Variants in SCAPER observed in about 807,000 individuals in gnomAD.
The protein encoded by SCAPER is S-phase cyclin A associated protein in the ER, also known as S phase cyclin A-associated protein in the endoplasmic reticulum.
Under a neutral mutation model 182.2 loss-of-function variants are expected in SCAPER, and 98 were observed. The observed-to-expected ratio is 0.54, with a 90% CI of 0.46 to 0.64. The LOEUF is 0.64. Among genes scored for constraint, SCAPER ranks in the 30% least tolerant of loss-of-function variants. The pLI is 0.00. For missense variants in SCAPER, 1,432 were observed against 1,690.0 expected (o/e 0.85, Z 2.68); for synonymous variants, 605 against 564.6 (o/e 1.07, Z -1.01).
chr15:76,534,047 C>A (rs2043913330), intron 23 of SCAPER, among the ~76,000 whole-genome samples: 1 of 152,120 alleles, frequency 6.6e-6, no homozygotes, highest in African/African-American at 2.4e-5. Context: ...TATAAAAATT[C>A]TATGCTATTC....
intron 23 of SCAPER, among the ~76,000 whole-genome samples, chr15:76,520,179 T>C (rs2042732681): frequency 6.6e-6 from 1 of 152,186 alleles, no homozygotes; most frequent in African/African-American, 2.4e-5. Context: ...ATTATTTGTT[T>C]GTCTAGAAGG....
chr15:76,637,287 T>C (rs538989707), intron 21 of SCAPER, among the ~76,000 whole-genome samples: 1 of 152,340 alleles, frequency 6.6e-6, no homozygotes, highest in South Asian at 2.1e-4. Flanking sequence ...TACTGGATCA[T>C]ATAGAAATCC....
intron 27 of SCAPER, among the ~76,000 whole-genome samples, chr15:76,393,670 G>C (rs1354303882): frequency 6.6e-6 from 1 of 151,960 alleles, no homozygotes; most frequent in Non-Finnish European, 1.5e-5. Flanking sequence ...TCCTTTTTTT[G>C]AAGCTGGATG....
chr15:76,877,521 T>G (rs913138222), intron 2 of SCAPER, among the ~76,000 whole-genome samples: 18 of 152,152 alleles, frequency 1.2e-4, no homozygotes, highest in African/African-American at 4.3e-4. Context: ...GTAGAAAAGC[T>G]TGACACTACA....
At chr15:76,420,435 G>A (rs1293423549) in intron 26 of SCAPER, among the ~76,000 whole-genome samples, 2 of 151,596 alleles carry the variant, frequency 1.3e-5, no homozygotes, top group Non-Finnish European at 2.9e-5. Flanking sequence ...TAGAATAAGT[G>A]AATTCACCAA....
At chr15:76,869,122 G>A (rs140706370) in intron 2 of SCAPER, among the ~76,000 whole-genome samples, 1 of 152,172 alleles carries the variant, frequency 6.6e-6, no homozygotes, top group African/African-American at 2.4e-5. Flanking sequence ...AATCAAAATG[G>A]ATTAAAAACT....
At chr15:76,600,410 T>C (rs1259142514) in intron 22 of SCAPER, among the ~76,000 whole-genome samples, 1 of 103,490 alleles carries the variant, frequency 9.7e-6, no homozygotes, top group African/African-American at 2.8e-5. Context: ...TGTGTGTGTG[T>C]GTGTGTGTGT....
At chr15:76,680,622 C>T (rs540266752) in intron 20 of SCAPER, among the ~76,000 whole-genome samples, 1 of 152,042 alleles carries the variant, frequency 6.6e-6, no homozygotes, top group Admixed American at 6.5e-5. Context: ...AAGGCCCTTC[C>T]TTGGTGGAGC....
At chr15:76,431,531 G>C (rs1240140964) in intron 26 of SCAPER, among the ~76,000 whole-genome samples, 1 of 151,954 alleles carries the variant, frequency 6.6e-6, no homozygotes, top group Non-Finnish European at 1.5e-5. Context: ...GATACAGCCA[G>C]AGAACAGCTC....
chr15:76,853,214 A>G (rs2070950053), intron 4 of SCAPER, among the ~76,000 whole-genome samples: 1 of 152,196 alleles, frequency 6.6e-6, no homozygotes. Flanking sequence ...AAAGCCCAGG[A>G]CCAGAAGGAT....
In SCAPER at chr15:76,884,937, G is replaced by T. The variant is rs77761069; in HGVS notation, c.-59-1061C>A. Among the ~76,000 whole-genome samples, 1,232 of 152,306 alleles carry T rather than the reference G, an allele frequency of 8.1e-3. 13 individuals are homozygous for T. The highest frequency in any genetic ancestry group is 0.028 in the African/African-American group (1,168 of 41,562). ...AGCCAGTTATAAAAGAACACATATTGTATGATTCCACATACGTGAAATGTC... is the reference window on the plus strand; with the variant it reads ...AGCCAGTTATAAAAGAACACATATTTTATGATTCCACATACGTGAAATGTC... On this transcript the variant is annotated intron_variant, in intron 1 of 31. Transcript: ENST00000563290.
At chr15:76,896,287 C>T (rs944402007) in intron 1 of SCAPER, among the ~76,000 whole-genome samples, 4 of 151,802 alleles carry the variant, frequency 2.6e-5, no homozygotes, top group African/African-American at 7.3e-5. Flanking sequence ...GGAGGATCAC[C>T]GGAGCCTGGG....
chr15:76,865,010 G>A (rs2072163129), intron 2 of SCAPER, among the ~76,000 whole-genome samples: 1 of 152,008 alleles, frequency 6.6e-6, no homozygotes, highest in African/African-American at 2.4e-5. Flanking sequence ...TATATGTAAG[G>A]ATACTATCCT....
chr15:76,730,531 A>C (rs2060858543), intron 16 of SCAPER, among the ~76,000 whole-genome samples: 1 of 152,178 alleles, frequency 6.6e-6, no homozygotes, highest in Non-Finnish European at 1.5e-5. Context: ...AACTCTTAAG[A>C]GTAAAAACAA....
chr15:76,847,580 C>T (rs1397608789), intron 4 of SCAPER, among the ~76,000 whole-genome samples: 1 of 152,052 alleles, frequency 6.6e-6, no homozygotes, highest in Non-Finnish European at 1.5e-5. Context: ...TCTCATGTAC[C>T]CCATAAATAT....
intron 21 of SCAPER, among the ~76,000 whole-genome samples, chr15:76,629,158 G>A (rs1451254145): frequency 1.3e-5 from 2 of 152,186 alleles, no homozygotes; most frequent in African/African-American, 4.8e-5. Context: ...AAGCTTTTGG[G>A]CTGAGACAAT....
At chr15:76,616,206 T>C (rs984011903) in intron 22 of SCAPER, among the ~76,000 whole-genome samples, 3 of 152,200 alleles carry the variant, frequency 2.0e-5, no homozygotes, top group African/African-American at 4.8e-5. Flanking sequence ...TTATTCATAA[T>C]TGCTAAACAG....
chr15:76,727,346 C>A (rs562165811), intron 17 of SCAPER, among the ~76,000 whole-genome samples: 7 of 152,168 alleles, frequency 4.6e-5, no homozygotes, highest in South Asian at 4.1e-4. Flanking sequence ...TAGTTCCAGA[C>A]ACCAACAATT....
rs978084870 is a variant in SCAPER, at chr15:76,741,694, G to T, written c.1867-8310C>A. Among the ~76,000 whole-genome samples the T allele has an allele frequency of 3.3e-5, 5 of 152,196 alleles. 1 individual carries two copies. Among genetic ancestry groups the T allele is most frequent in the South Asian group, 4.1e-4 (2 of 4,830 alleles). ...GATACACAAAAAGTTGTCAAGAAGAGATTAAAAAGAAAAGTGAAATGAAGT... is the reference window on the plus strand; with the variant it reads ...GATACACAAAAAGTTGTCAAGAAGATATTAAAAAGAAAAGTGAAATGAAGT... On this transcript the variant is annotated intron_variant, in intron 15 of 31. Coordinates refer to ENST00000563290, the MANE Select transcript of SCAPER (RefSeq NM_020843.4).
Sources: allele counts gnomAD v4.1 joint callset (sites outside exome capture counted in the v4.1 genomes callset), GRCh38; gene constraint gnomAD v4.1.1; transcripts MANE v1.5; gene names NCBI Gene and HGNC (gene_info 2026-07-23, HGNC 2026-07-21).